HTR7: variants seen among roughly 807,000 people sequenced by gnomAD.
HTR7 encodes 5-HT-7.
Under a neutral mutation model 34.0 loss-of-function variants are expected in HTR7, and 16 were observed. That is an observed-to-expected ratio of 0.47 (90% CI 0.32 to 0.71). The LOEUF (loss-of-function observed/expected upper bound fraction) is 0.71. HTR7 is among the 30% of genes least tolerant of loss of function. The pLI, the probability that HTR7 is intolerant of heterozygous loss-of-function variation, is 0.04. For synonymous variants in HTR7, 265 were observed against 260.2 expected, an observed-to-expected ratio of 1.02 and a Z score of -0.18; for missense variants, 504 against 625.5, an observed-to-expected ratio of 0.81 and a Z score of 2.07.
At chr10:90,846,953 C>T (rs1046284603) in intron 1 of HTR7, among the ~76,000 whole-genome samples, 1 of 152,180 alleles carries the variant, frequency 6.6e-6, no homozygotes, top group Non-Finnish European at 1.5e-5. Flanking sequence ...CTTCCTGCTC[C>T]CTCTCTGTGA....
At chr10:90,790,801 T>C (rs111282972) in intron 1 of HTR7, among the ~76,000 whole-genome samples, 246 of 152,002 alleles carry the variant, frequency 1.6e-3, no homozygotes, top group African/African-American at 5.5e-3. Flanking sequence ...CTCAATATTA[T>C]GCAGAGAGAG....
chr10:90,787,415 G>A (rs1193895393), intron 1 of HTR7, among the ~76,000 whole-genome samples: 1 of 152,078 alleles, frequency 6.6e-6, no homozygotes, highest in Non-Finnish European at 1.5e-5. Context: ...TTGAACCCAG[G>A]AGGCAGAGGT....
chr10:90,759,069 C>T (rs1321147982), intron 1 of HTR7, among the ~76,000 whole-genome samples: 4 of 152,002 alleles, frequency 2.6e-5, no homozygotes, highest in African/African-American at 9.7e-5. Context: ...TGCCTGTCAT[C>T]CCAGCTACTC....
chr10:90,750,603 G>A (rs1366510097), intron 1 of HTR7, among the ~76,000 whole-genome samples: 3 of 152,114 alleles, frequency 2.0e-5, no homozygotes, highest in Non-Finnish European at 4.4e-5. Flanking sequence ...CTTCCTTTAT[G>A]TGTATAAAAG....
rs773277163 is a variant in HTR7 at position 90,742,499 on chromosome 10, CCTTT to C, written c.1419_1422del (p.Lys474SerfsTer2). The C allele has an allele frequency of 6.2e-7, 1 of 1,600,098 alleles. No individual in the cohort carries two copies. The highest frequency in any genetic ancestry group is 8.5e-7 in the Non-Finnish European group (1 of 1,174,114). ...TTCTGCTTTCAATCATGAATCATGA[CCTTT>C]TTTTCTACAGTAGTCAGCATTTTGT... On this transcript the variant is annotated frameshift_variant, in exon 4 of 4. Coordinates refer to ENST00000336152, the MANE Select transcript of HTR7 (RefSeq NM_019859.4). LOFTEE classifies it high-confidence loss of function.
chr10:90,812,275 A>G (rs1326851382), intron 1 of HTR7, among the ~76,000 whole-genome samples: 1 of 152,014 alleles, frequency 6.6e-6, no homozygotes, highest in Admixed American at 6.6e-5. Flanking sequence ...TCATACTCCT[A>G]TTCACCATTC....
intron 1 of HTR7, among the ~76,000 whole-genome samples, chr10:90,759,781 A>G (rs1487054641): frequency 6.6e-6 from 1 of 152,158 alleles, no homozygotes; most frequent in Non-Finnish European, 1.5e-5. Context: ...TTTACAAAGT[A>G]AAAATAATAT....
At chr10:90,781,014 T>G (rs978235759) in intron 1 of HTR7, among the ~76,000 whole-genome samples, 3 of 152,242 alleles carry the variant, frequency 2.0e-5, no homozygotes, top group African/African-American at 7.2e-5. Context: ...AAACTTTTCT[T>G]AATTTTTAGA....
chr10:90,836,079 C>T (rs1846248159), intron 1 of HTR7, among the ~76,000 whole-genome samples: 1 of 152,192 alleles, frequency 6.6e-6, no homozygotes, highest in Non-Finnish European at 1.5e-5. Flanking sequence ...GACCGACCTA[C>T]TGATCCCACC....
intron 1 of HTR7, among the ~76,000 whole-genome samples, chr10:90,822,016 G>A (rs1408516627): frequency 6.6e-6 from 1 of 152,146 alleles, no homozygotes; most frequent in Non-Finnish European, 1.5e-5. Context: ...CGAGTCTCAG[G>A]TAGTTCTTTA....
intron 1 of HTR7, among the ~76,000 whole-genome samples, chr10:90,828,400 A>G (rs1409095904): frequency 6.6e-6 from 1 of 152,234 alleles, no homozygotes; most frequent in African/African-American, 2.4e-5. Context: ...AACCATGCAA[A>G]AGACCAACAA....
intron 1 of HTR7, among the ~76,000 whole-genome samples, chr10:90,815,004 A>G (rs1326578770): frequency 2.0e-5 from 3 of 152,234 alleles, no homozygotes; most frequent in African/African-American, 7.2e-5. Context: ...TTTTCAAAAG[A>G]AAGGGTAAAA....
chr10:90,793,753 G>A (rs1845495346), intron 1 of HTR7, among the ~76,000 whole-genome samples: 1 of 152,114 alleles, frequency 6.6e-6, no homozygotes, highest in South Asian at 2.1e-4. Flanking sequence ...GCCAGTCTGA[G>A]TCCCCAAACC....
intron 1 of HTR7, among the ~76,000 whole-genome samples, chr10:90,762,877 T>C (rs764210694): frequency 9.2e-5 from 14 of 152,230 alleles, no homozygotes; most frequent in Non-Finnish European, 1.3e-4. Flanking sequence ...CAGCATCATT[T>C]ATTGAATAGA....
At position 90,805,591 on chromosome 10, in the gene HTR7, A is replaced by G. The variant is rs116839137; in HGVS notation, c.539+51542T>C. ...TCCCCTAAGAGTCATGTGTTTGGAG[A>G]TGCAAATGTAGAGTTGCCTAGCTAA... On this transcript the variant is annotated intron_variant, in intron 1 of 3. Coordinates refer to ENST00000336152, the MANE Select transcript of HTR7 (RefSeq NM_019859.4). Among the ~76,000 whole-genome samples, 1,101 of 152,320 alleles carry G rather than the reference A, an allele frequency of 7.2e-3. 16 individuals carry two copies. Among genetic ancestry groups the G allele is most frequent in the African/African-American group, 0.024 (1,018 of 41,570 alleles).
At chr10:90,772,597 G>A (rs1173459412) in intron 1 of HTR7, among the ~76,000 whole-genome samples, 4 of 152,048 alleles carry the variant, frequency 2.6e-5, no homozygotes, top group Non-Finnish European at 4.4e-5. Context: ...TAAACTTACC[G>A]TCCATTTCTA....
At chr10:90,757,561 C>T (rs1045435126) in intron 1 of HTR7, among the ~76,000 whole-genome samples, 7 of 152,122 alleles carry the variant, frequency 4.6e-5, no homozygotes, top group Admixed American at 2.0e-4. Flanking sequence ...TTCCTTTCCC[C>T]GCAACCCTAC....
chr10:90,747,957 G>A (rs1844665896), intron 2 of HTR7, among the ~76,000 whole-genome samples: 1 of 152,060 alleles, frequency 6.6e-6, no homozygotes, highest in African/African-American at 2.4e-5. Flanking sequence ...TCTTTACAAT[G>A]CCAAATTTTT....
rs554405104 is a variant in HTR7, at chr10:90,839,444, G to GA, written c.539+17688dup. On this transcript the variant is annotated intron_variant, in intron 1 of 3. Transcript: ENST00000336152. The stretch of plus-strand genomic sequence containing the variant: ...GATGGTTCTGCCTCATGTTCCAGAT[G>GA]AAAAAAAAACCATTTAAAAGGAAGA... 2.3e-3 allele frequency among the ~76,000 whole-genome samples: 342 copies of GA among 149,940 alleles called. 1 individual carries two copies. The highest frequency in any genetic ancestry group is 0.01 in the Middle Eastern group (3 of 292).
Sources: gnomAD v4.1 joint callset for allele counts (sites outside exome capture counted in the v4.1 genomes callset) on GRCh38, gnomAD v4.1.1 for gene constraint, MANE v1.5 for transcripts, NCBI Gene and HGNC (gene_info 2026-07-23, HGNC 2026-07-21) for gene names.